Variants in HDAC4 observed in about 807,000 individuals in gnomAD.
HDAC4 encodes the protein histone deacetylase A.
A neutral mutation model predicts 135.1 loss-of-function variants in HDAC4; 16 were observed. That is an observed-to-expected ratio of 0.12 (90% CI 0.08 to 0.18). The LOEUF (loss-of-function observed/expected upper bound fraction) is 0.18. HDAC4 is among the 10% of genes least tolerant of loss of function. The pLI is 1.00. For synonymous variants in HDAC4, 685 were observed against 653.4 expected (o/e 1.05, Z -0.74); for missense variants, 1,143 against 1,511.8 (o/e 0.76, Z 4.05).
chr2:239,370,798 G>A (rs1488059602), intron 1 of HDAC4, among the ~76,000 whole-genome samples: 2 of 152,342 alleles, frequency 1.3e-5, no homozygotes, highest in Admixed American at 6.5e-5. Flanking sequence ...GCTCATCCCC[G>A]CATCATGCTG....
At chr2:239,323,521 A>C (rs1250298744) in intron 2 of HDAC4, among the ~76,000 whole-genome samples, 1 of 152,204 alleles carries the variant, frequency 6.6e-6, no homozygotes, top group East Asian at 1.9e-4. Flanking sequence ...AAAGCAATAA[A>C]TGGGGCAGAT....
At chr2:239,071,830 T>C (rs1468252290) in intron 22 of HDAC4, among the ~76,000 whole-genome samples, 1 of 152,192 alleles carries the variant, frequency 6.6e-6, no homozygotes, top group Non-Finnish European at 1.5e-5. Context: ...ACTTTAATTC[T>C]GCAGGCAGAG....
chr2:239,356,800 T>C (rs1009459107), intron 1 of HDAC4, among the ~76,000 whole-genome samples: 13 of 152,172 alleles, frequency 8.5e-5, no homozygotes, highest in African/African-American at 3.1e-4. Context: ...GATATTTCCA[T>C]ATGAGTTTAC....
In HDAC4 at chr2:239,139,376, G is replaced by A. The variant is rs2041193073; in HGVS notation, c.978+308C>T. Among the ~76,000 whole-genome samples, 2 of 152,164 alleles carry A rather than the reference G, an allele frequency of 1.3e-5. No individual in the cohort carries two copies. The highest frequency in any genetic ancestry group is 2.4e-5 in the African/African-American group (1 of 41,430). On this transcript the variant is annotated intron_variant, in intron 9 of 26. Coordinates refer to ENST00000543185, the MANE Select transcript of HDAC4 (RefSeq NM_001378414.1). This position sits in a 1 kb window ranked among gnomAD's most constrained non-coding sequence, Gnocchi z 5.3. ...CACCTAGAGCACCTGCCATGCGTGGGCTTGTGCTGGGACACCATCTAGTGA... is the reference window on the plus strand; with the variant it reads ...CACCTAGAGCACCTGCCATGCGTGGACTTGTGCTGGGACACCATCTAGTGA...
At chr2:239,198,627 G>A (rs1275913374) in intron 3 of HDAC4, among the ~76,000 whole-genome samples, 1 of 152,184 alleles carries the variant, frequency 6.6e-6, no homozygotes, top group African/African-American at 2.4e-5. Flanking sequence ...TGAGTTCTCA[G>A]TGCTCCTCGT....
chr2:239,168,859 A>G (rs976616511), intron 5 of HDAC4, among the ~76,000 whole-genome samples: 17 of 152,246 alleles, frequency 1.1e-4, no homozygotes, highest in African/African-American at 4.1e-4. Context: ...ATTATTAATA[A>G]TAAAATCTGA....
chr2:239,319,975 CT>C (rs2053251953), intron 2 of HDAC4, among the ~76,000 whole-genome samples: 1 of 152,182 alleles, frequency 6.6e-6, no homozygotes, highest in African/African-American at 2.4e-5. Context: ...CACACGGTCA[CT>C]GCTATTGTAT....
chr2:239,352,928 CAG>C lies in HDAC4; in HGVS notation c.-219-12_-219-11del. On this transcript the variant is annotated splice_polypyrimidine_tract_variant and intron_variant, in intron 1 of 26. Transcript: ENST00000543185. The surrounding 1 kb of genome is among the most constrained non-coding windows in gnomAD (Gnocchi z 4.4). ...GCTTCTGCAGATGAACCTGCAAGGT[CAG>C]AAGGAGAAAAGAGACTGGAGTTACA... is the stretch of plus-strand genomic sequence containing the variant. 1.7e-6 allele frequency: 1 copy of C among 573,824 alleles called. No individual in the cohort carries two copies. The highest frequency in any genetic ancestry group is 3.1e-6 in the Non-Finnish European group (1 of 320,482). 35.5% of individuals were successfully genotyped at this position (573,824 alleles called of 1,614,324 possible).
chr2:239,303,635 T>C lies in HDAC4; in HGVS notation c.22+49043A>G, dbSNP rs1210864811. ...ATTCACAATTGAGGAAACCAACAGG[T>C]TGAGCTGCTGCCTCAAGTAAAAAAT... On this transcript the variant is annotated intron_variant, in intron 2 of 26. Coordinates refer to ENST00000543185, the MANE Select transcript of HDAC4 (RefSeq NM_001378414.1). This position sits in a 1 kb window ranked among gnomAD's most constrained non-coding sequence, Gnocchi z 5.1. Among the ~76,000 whole-genome samples the C allele has an allele frequency of 6.6e-6, 1 of 152,128 alleles. No homozygotes were observed. The highest frequency in any genetic ancestry group is 2.4e-5 in the African/African-American group (1 of 41,428).
chr2:239,117,297 A>G (rs2152816438), intron 12 of HDAC4, among the ~76,000 whole-genome samples: 1 of 152,300 alleles, frequency 6.6e-6, no homozygotes, highest in East Asian at 1.9e-4. Context: ...CCTGCTGCAG[A>G]CAGGCCAGAG....
intron 3 of HDAC4, among the ~76,000 whole-genome samples, chr2:239,232,575 TCCCTCACCAAGCCAAGGGTGGCCCTTC>T (rs2047641088): frequency 8.8e-6 from 1 of 113,126 alleles, no homozygotes; most frequent in African/African-American, 3.4e-5. Flanking sequence ...GGGTGGCCCT[TCCCTCACCAAGCCAAGGGTGGCCCTTC>T]CCCTCACCAA....
intron 8 of HDAC4, among the ~76,000 whole-genome samples, chr2:239,142,788 CA>C (rs1424682808): frequency 6.7e-6 from 1 of 150,240 alleles, no homozygotes; most frequent in Non-Finnish European, 1.5e-5. Flanking sequence ...CACGCCCTGT[CA>C]CACATGACTC....
chr2:239,313,630 G>A lies in HDAC4; in HGVS notation c.22+39048C>T, dbSNP rs944170873. On this transcript the variant is annotated intron_variant, in intron 2 of 26. Transcript: ENST00000543185. The surrounding 1 kb of genome is among the most constrained non-coding windows in gnomAD (Gnocchi z 5.1). ...TCCCAGACTCTCTGCTGGAAGTTAA[G>A]GACACAGAGAAAGTTTCTTATGAAA... Among the ~76,000 whole-genome samples the A allele has an allele frequency of 6.6e-6, 1 of 152,190 alleles. No individual in the cohort carries two copies. The highest frequency in any genetic ancestry group is 1.9e-4 in the East Asian group (1 of 5,188).
Position 239,068,136 on chromosome 2 carries a change from C to T in HDAC4, c.2869+353G>A, listed in dbSNP as rs987231247. Among the ~76,000 whole-genome samples, 1 of 152,172 alleles carries T rather than the reference C, an allele frequency of 6.6e-6. No homozygotes were observed. The highest frequency in any genetic ancestry group is 1.5e-5 in the Non-Finnish European group (1 of 68,018). The stretch of plus-strand genomic sequence containing the variant: ...CCTTTACAGTTCCAAGGAGCACCGC[C>T]TGCCAGAGAAGCGGCATGGGGCACA... On this transcript the variant is annotated intron_variant, in intron 23 of 26. Transcript: ENST00000543185. The surrounding 1 kb of genome is among the most constrained non-coding windows in gnomAD (Gnocchi z 4.4).
rs187291698 is a variant in HDAC4 at position 239,395,618 on chromosome 2, C to T, written c.-220+5360G>A. 5.3e-5 allele frequency among the ~76,000 whole-genome samples: 8 copies of T among 152,228 alleles called. No individual in the cohort carries two copies. The East Asian group carries it at 1.4e-3, about 26-fold the overall frequency. On this transcript the variant is annotated intron_variant, in intron 1 of 26. Transcript: ENST00000543185. ...CCATGTATAAAAGAAAAGTGTACCC[C>T]GTCTCCTCACCTCTGATGGTTACCT...
At chr2:239,209,984 G>A (rs970789797) in intron 3 of HDAC4, among the ~76,000 whole-genome samples, 3 of 152,138 alleles carry the variant, frequency 2.0e-5, no homozygotes, top group Non-Finnish European at 2.9e-5. Flanking sequence ...GGCAGGGAGC[G>A]GGGGCGTGGG....
At chr2:239,100,335 A>T (rs181194557) in intron 16 of HDAC4, among the ~76,000 whole-genome samples, 1 of 152,290 alleles carries the variant, frequency 6.6e-6, no homozygotes, top group East Asian at 1.9e-4. Flanking sequence ...TTTCTGGGAG[A>T]TGACATCACC....
chr2:239,339,254 C>T (rs2125857227), intron 2 of HDAC4, among the ~76,000 whole-genome samples: 1 of 152,324 alleles, frequency 6.6e-6, no homozygotes, highest in South Asian at 2.1e-4. Context: ...TGCTCACTGT[C>T]CCAGTGAAGT....
intron 17 of HDAC4, among the ~76,000 whole-genome samples, chr2:239,092,267 C>T (rs2036590260): frequency 6.6e-6 from 1 of 150,722 alleles, no homozygotes; most frequent in African/African-American, 2.4e-5. Flanking sequence ...AAAAAAAAAT[C>T]CAAGGTGACA....
Sources: allele counts gnomAD v4.1 joint callset (sites outside exome capture counted in the v4.1 genomes callset), GRCh38; gene constraint gnomAD v4.1.1; non-coding constraint Gnocchi (gnomAD v3.1); transcripts MANE v1.5; gene names NCBI Gene and HGNC (gene_info 2026-07-23, HGNC 2026-07-21).